Variants in AARD observed in about 807,000 individuals in gnomAD.
The protein encoded by AARD is alanine- and arginine-rich domain-containing protein.
A neutral mutation model predicts 9.3 loss-of-function variants in AARD; 9 were observed. The ratio of observed to expected loss-of-function variants is 0.97; its 90% confidence interval spans 0.58 to 1.69. The LOEUF is 1.69. AARD is among the 40% of genes most tolerant of loss of function. The probability of loss-of-function intolerance (pLI) is 0.00; values close to 1 mark genes in which losing one functional copy is unlikely to be tolerated. For missense variants in AARD, 236 were observed against 210.3 expected, an observed-to-expected ratio of 1.12 and a Z score of -0.76; for synonymous variants, 91 against 93.8, an observed-to-expected ratio of 0.97 and a Z score of 0.17.
intron 1 of AARD, among the ~76,000 whole-genome samples, chr8:116,938,914 T>C (rs1392037139): frequency 6.6e-6 from 1 of 152,252 alleles, no homozygotes; most frequent in Non-Finnish European, 1.5e-5. Context: ...TCTCTTGCGA[T>C]TGATGGAGTG....
rs1813758574 is a variant in AARD, at chr8:116,942,670, G to A, written c.437G>A (p.Ser146Asn). Residue 146 changes from serine to asparagine, a missense_variant, in exon 2 of 2, where the codon AGC (serine) becomes AAC (asparagine). By Grantham distance (46) the Ser-to-Asn change is conservative. Coordinates refer to ENST00000378279, the MANE Select transcript of AARD (RefSeq NM_001025357.3). ...YELEITSDSQ[S>N]PKDDAANPE ...CTGGAAATTACATCAGACTCCCAAA[G>A]CCCAAAAGATGATGCTGCGAATCCG... The A allele has an allele frequency of 3.7e-6, 6 of 1,613,774 alleles. No homozygotes were observed. Among genetic ancestry groups the A allele is most frequent in the Non-Finnish European group, 5.1e-6 (6 of 1,179,950 alleles).
Position 116,943,775 on chromosome 8 carries a change from A to G in AARD, c.*1074A>G, listed in dbSNP as rs956443061. On this transcript the variant is annotated 3_prime_UTR_variant, in exon 2 of 2. Transcript: ENST00000378279. Reference sequence around the variant, plus strand: ...AAGACTCCAGGCCTTGCTCTTGTTTATGTACATGAAATATTCTGATATCCT... The same window carrying G: ...AAGACTCCAGGCCTTGCTCTTGTTTGTGTACATGAAATATTCTGATATCCT... The G allele has an allele frequency of 1.3e-5, 2 of 152,142 alleles. No individual in the cohort carries two copies. Among genetic ancestry groups the G allele is most frequent in the African/African-American group, 4.8e-5 (2 of 41,424 alleles). The allele number at this position is 152,142 out of a possible 1,614,324, so 9.4% of individuals were successfully genotyped here.
At chr8:116,940,328 A>G (rs1277713289) in intron 1 of AARD, among the ~76,000 whole-genome samples, 2 of 152,192 alleles carry the variant, frequency 1.3e-5, no homozygotes, top group Non-Finnish European at 1.5e-5. Flanking sequence ...GGCTCTTATT[A>G]TTATAATGAT....
intron 1 of AARD, among the ~76,000 whole-genome samples, chr8:116,939,540 G>C (rs1368703782): frequency 1.3e-5 from 2 of 152,206 alleles, no homozygotes; most frequent in Admixed American, 1.3e-4. Context: ...GCTGATGCAG[G>C]AGAATCGCTT....
chr8:116,938,485 AGGC>A lies in AARD; in HGVS notation c.262_264del (p.Ala88del), dbSNP rs575118752. The A allele has an allele frequency of 2.0e-4, 313 of 1,555,348 alleles. No homozygotes were observed. The highest frequency in any genetic ancestry group is 5.5e-4 in the South Asian group (47 of 85,234). On this transcript the variant is annotated inframe_deletion, in exon 1 of 2. Transcript: ENST00000378279. ...CGCGCGATCTCGAGGCGCGTGCAGG[AGGC>A]GGCGGCGGCGGCGGCGGCGCGGGAG...
At chr8:116,938,690 C>T (rs1395289262) in intron 1 of AARD, 123 bp downstream of exon 1, 5 of 1,242,112 alleles carry the variant, frequency 4.0e-6, no homozygotes, top group Non-Finnish European at 5.2e-6. Flanking sequence ...GGTCTGGACA[C>T]GGCGTTGACG....
rs776243815 is a variant in AARD, at chr8:116,938,232, G to C, written c.-12G>C. The C allele has an allele frequency of 9.7e-6, 14 of 1,444,850 alleles. No homozygotes were observed. The highest frequency in any genetic ancestry group is 3.2e-5 in the East Asian group (1 of 31,730). The allele number at this position is 1,444,850 out of a possible 1,614,324, so 89.5% of individuals were successfully genotyped here. On this transcript the variant is annotated 5_prime_UTR_variant, in exon 1 of 2. Coordinates refer to ENST00000378279, the MANE Select transcript of AARD (RefSeq NM_001025357.3). The stretch of plus-strand genomic sequence containing the variant: ...AGCAGCAGCGGTAGAGCAGTGACCA[G>C]GCGTCTCCGCGATGGGCCCCGGGGA...
Position 116,943,417 on chromosome 8 carries a change from C to T in AARD, c.*716C>T, listed in dbSNP as rs1018522791. 8.5e-5 allele frequency: 13 copies of T among 152,150 alleles called. No homozygotes were observed. Among genetic ancestry groups the T allele is most frequent in the African/African-American group, 2.2e-4 (9 of 41,416 alleles). 9.4% of individuals were successfully genotyped at this position (152,150 alleles called of 1,614,324 possible). On this transcript the variant is annotated 3_prime_UTR_variant, in exon 2 of 2. Transcript: ENST00000378279. ...TCAGTTTGTCTGTCCAGCAGCCTGC[C>T]CTGCTTCTTGTGGAGAATTGTTTCT... is the stretch of plus-strand genomic sequence containing the variant.
Position 116,942,714 on chromosome 8 carries a change from G to A in AARD, c.*13G>A, listed in dbSNP as rs536106214. On this transcript the variant is annotated 3_prime_UTR_variant, in exon 2 of 2. Coordinates refer to ENST00000378279, the MANE Select transcript of AARD (RefSeq NM_001025357.3). Reference sequence around the variant, plus strand: ...GAATCCGGAATAAAGAAATGCACACGCAAGGGCTGGGCGCGGTGGCTCACG... The same window carrying A: ...GAATCCGGAATAAAGAAATGCACACACAAGGGCTGGGCGCGGTGGCTCACG... 1.2e-5 allele frequency: 19 copies of A among 1,610,924 alleles called. No individual in the cohort carries two copies. Among genetic ancestry groups the A allele is most frequent in the African/African-American group, 6.7e-5 (5 of 74,998 alleles).
At position 116,938,418 on chromosome 8, in the gene AARD, C is replaced by G. The variant is rs747974793; in HGVS notation, c.175C>G (p.Leu59Val). Residue 59 changes from leucine to valine, a missense_variant, in exon 1 of 2, where the codon CTC becomes GTC. By Grantham distance (32) the Leu-to-Val change is conservative. Coordinates refer to ENST00000378279, the MANE Select transcript of AARD (RefSeq NM_001025357.3). ...CGCCGCCAGCCCGCTGCTGGAGGAC[C>G]TCAGACGACGGCTGACGCGCGCCTT... ...ALAASPLLEDLRRRLTRAFQW... is the reference protein window; with the variant it reads ...ALAASPLLEDVRRRLTRAFQW... 2 of 1,611,346 alleles carry G rather than the reference C, an allele frequency of 1.2e-6. No individual in the cohort carries two copies. The highest frequency in any genetic ancestry group is 3.3e-5 in the Admixed American group (2 of 59,892).
At chr8:116,942,448 T>C (rs1203198252) in intron 1 of AARD, 110 bp from the exon 2 acceptor site, 7 of 973,360 alleles carry the variant, frequency 7.2e-6, no homozygotes, top group South Asian at 2.1e-5. Flanking sequence ...TTCCTTGATA[T>C]CTTATTTTCT....
In AARD at chr8:116,942,766, C is replaced by T. The variant is rs4629901; in HGVS notation, c.*65C>T. The T allele has an allele frequency of 0.26, 397,294 of 1,518,296 alleles. 53,646 individuals carry two copies. The highest frequency in any genetic ancestry group is 0.33 in the Middle Eastern group (1,851 of 5,686). The allele number at this position is 1,518,296 out of a possible 1,614,324, so 94.1% of individuals were successfully genotyped here. On this transcript the variant is annotated 3_prime_UTR_variant, in exon 2 of 2. Transcript: ENST00000378279. ...CTGTAATCCCAGCACTTTGGGAGGC[C>T]GAGGCGGGCGGATCAAGACGTCAGG...
In AARD at chr8:116,938,229, C is replaced by A; in HGVS notation, c.-15C>A. 1 of 1,556,066 alleles carries A rather than the reference C, an allele frequency of 6.4e-7. No individual in the cohort carries two copies. Among genetic ancestry groups the A allele is most frequent in the Non-Finnish European group, 8.7e-7 (1 of 1,146,982 alleles). ...TTCAGCAGCAGCGGTAGAGCAGTGA[C>A]CAGGCGTCTCCGCGATGGGCCCCGG... On this transcript the variant is annotated 5_prime_UTR_variant, in exon 1 of 2. Transcript: ENST00000378279.
chr8:116,942,999 C>CAAAAAAAAAAAAAAAAAA lies in AARD; in HGVS notation c.*303_*320dup, dbSNP rs55952851. On this transcript the variant is annotated 3_prime_UTR_variant, in exon 2 of 2. Coordinates refer to ENST00000378279, the MANE Select transcript of AARD (RefSeq NM_001025357.3). ...TGGGTGACAGAGCAAGACTCCATCTCAAAAAAAAAAAAAAAAAAAAAAGCA... is the reference window on the plus strand; with the variant it reads ...TGGGTGACAGAGCAAGACTCCATCTCAAAAAAAAAAAAAAAAAAAAAAAAAAAAAAAAAAAAAAAAGCA... 4.9e-5 allele frequency: 2 copies of CAAAAAAAAAAAAAAAAAA among 40,510 alleles called. 1 individual carries two copies. The highest frequency in any genetic ancestry group is 1.0e-4 in the Non-Finnish European group (2 of 19,228). The allele number at this position is 40,510 out of a possible 1,614,324, so 2.5% of individuals were successfully genotyped here.
Position 116,942,860 on chromosome 8 carries a change from C to A in AARD, c.*159C>A. ...CTAAAAATACAAAAAATTAGCCAGACGTGGTGGCAGGCACCTGTAGTCCCT... is the reference window on the plus strand; with the variant it reads ...CTAAAAATACAAAAAATTAGCCAGAAGTGGTGGCAGGCACCTGTAGTCCCT... On this transcript the variant is annotated 3_prime_UTR_variant, in exon 2 of 2. Transcript: ENST00000378279. 1 of 586,068 alleles carries A rather than the reference C, an allele frequency of 1.7e-6. No homozygotes were observed. The allele number at this position is 586,068 out of a possible 1,614,324, so 36.3% of individuals were successfully genotyped here. A position where few individuals can be genotyped will look rare whatever the true frequency, so the allele number is the denominator to read the frequency against.
chr8:116,939,710 C>T (rs1001199565), intron 1 of AARD, among the ~76,000 whole-genome samples: 5 of 152,202 alleles, frequency 3.3e-5, no homozygotes, highest in Non-Finnish European at 5.9e-5. Context: ...GATTTACTAC[C>T]AGATTTACTA....
rs1422994398 is a variant in AARD, at chr8:116,943,941, G to A, written c.*1240G>A. The A allele has an allele frequency of 6.6e-6, 1 of 152,124 alleles. No individual in the cohort carries two copies. Among genetic ancestry groups the A allele is most frequent in the Non-Finnish European group, 1.5e-5 (1 of 68,028 alleles). 9.4% of individuals were successfully genotyped at this position (152,124 alleles called of 1,614,324 possible). Reference sequence around the variant, plus strand: ...TGAATTGGACTATCTAACTGTACCCGAAAAGTGCTGTCTTTTTAATGCAAA... The same window carrying A: ...TGAATTGGACTATCTAACTGTACCCAAAAAGTGCTGTCTTTTTAATGCAAA... On this transcript the variant is annotated 3_prime_UTR_variant, in exon 2 of 2. Coordinates refer to ENST00000378279, the MANE Select transcript of AARD (RefSeq NM_001025357.3).
Position 116,942,556 on chromosome 8 carries a change from A to C in AARD, c.325-2A>C. On this transcript the variant is annotated splice_acceptor_variant, in intron 1 of 1. Transcript: ENST00000378279. LOFTEE classifies it high-confidence loss of function. ...AAATTTTTATTTTTTTCTAACTTTT[A>C]GGTGGAAATGCATTTCCAAAACCAC... 6.2e-7 allele frequency: 1 copy of C among 1,609,354 alleles called. No homozygotes were observed. Among genetic ancestry groups the C allele is most frequent in the Non-Finnish European group, 8.5e-7 (1 of 1,177,616 alleles).
chr8:116,938,624 T>A (rs908280584), intron 1 of AARD, 57 bp downstream of exon 1: 1 of 1,380,822 alleles, frequency 7.2e-7, no homozygotes, highest in Non-Finnish European at 9.3e-7. Context: ...GGTCCTCTCC[T>A]CCAGCTGCAG....
Sources: gnomAD v4.1 joint callset for allele counts (sites outside exome capture counted in the v4.1 genomes callset) on GRCh38, gnomAD v4.1.1 for gene constraint, MANE v1.5 for transcripts, NCBI Gene and HGNC (gene_info 2026-07-23, HGNC 2026-07-21) for gene names.